Variants in PBX1 observed in about 807,000 individuals in gnomAD.
PBX1 encodes the protein pre-B-cell leukemia transcription factor 1.
Under a neutral mutation model 53.4 loss-of-function variants are expected in PBX1, and 6 were observed. That is an observed-to-expected ratio of 0.11 (90% confidence interval 0.06 to 0.22). PBX1 has a LOEUF of 0.22. Among genes scored for constraint, PBX1 ranks in the 10% least tolerant of loss-of-function variants. PBX1 has a pLI of 1.00. For missense variants in PBX1, 251 were observed against 551.4 expected, an observed-to-expected ratio of 0.46 and a Z score of 5.46; for synonymous variants, 204 against 212.3, an observed-to-expected ratio of 0.96 and a Z score of 0.34.
chr1:164,770,073 A>G (rs976389330), intron 2 of PBX1: 1 of 152,212 alleles, frequency 6.6e-6, no homozygotes, highest in Non-Finnish European at 1.5e-5. Context: ...CTGAAGCTTG[A>G]TGTGTGGGTC....
chr1:164,565,844 A>G lies in PBX1; in HGVS notation c.265+2533A>G, dbSNP rs145481157. Among the ~76,000 whole-genome samples, 862 of 148,856 alleles carry G rather than the reference A, an allele frequency of 5.8e-3. 11 individuals are homozygous for G. The highest frequency in any genetic ancestry group is 0.019 in the African/African-American group (784 of 40,274). On this transcript the variant is annotated intron_variant, in intron 2 of 8. Coordinates refer to ENST00000420696, the MANE Select transcript of PBX1 (RefSeq NM_002585.4). ...ACATACATTCCTTTATTGTTTGGGG[A>G]CTTTTTCTATTGTTACTTTCAAGCC...
intron 2 of PBX1, among the ~76,000 whole-genome samples, chr1:164,736,949 T>C (rs1439955591): frequency 1.3e-5 from 2 of 152,192 alleles, no homozygotes; most frequent in Non-Finnish European, 2.9e-5. Flanking sequence ...ATGCCTTTGA[T>C]TTTCAGCTCA....
At chr1:164,815,031 A>G (rs1669814116) in intron 6 of PBX1, 1 of 152,202 alleles carries the variant, frequency 6.6e-6, no homozygotes, top group Non-Finnish European at 1.5e-5. Context: ...GAAGAATAGA[A>G]GGAAGGAGAG....
chr1:164,559,987 C>G lies in PBX1; in HGVS notation c.165C>G (p.Asp55Glu). Residue 55 changes from aspartate (D) to glutamate (E), a missense_variant, in exon 1 of 9, where the codon GAC (aspartate) becomes GAG (glutamate). Coordinates refer to ENST00000420696, the MANE Select transcript of PBX1 (RefSeq NM_002585.4). ...TACAGCAAATTATGACCATCACAGA[C>G]CAGAGTTTGGATGAGGCGCAGGCCA... ...DILQQIMTIT[D>E]QSLDEAQARK... 1.3e-6 allele frequency: 2 copies of G among 1,486,132 alleles called. No individual in the cohort carries two copies. Among genetic ancestry groups the G allele is most frequent in the Non-Finnish European group, 1.8e-6 (2 of 1,111,328 alleles). The allele number at this position is 1,486,132 out of a possible 1,614,324, so 92.1% of individuals were successfully genotyped here.
At chr1:164,673,625 C>A (rs1156786794) in intron 2 of PBX1, among the ~76,000 whole-genome samples, 1 of 152,010 alleles carries the variant, frequency 6.6e-6, no homozygotes, top group African/African-American at 2.4e-5. Context: ...TGTGAGCCAC[C>A]GCGCCTGGCG....
chr1:164,700,975 C>G (rs182181362), intron 2 of PBX1, among the ~76,000 whole-genome samples: 32 of 152,298 alleles, frequency 2.1e-4, no homozygotes, highest in Middle Eastern at 3.4e-3. Context: ...ATTAGCAAGA[C>G]TAAACATAAT....
intron 2 of PBX1, among the ~76,000 whole-genome samples, chr1:164,589,561 A>G (rs1655214721): frequency 6.6e-6 from 1 of 152,154 alleles, no homozygotes; most frequent in African/African-American, 2.4e-5. Flanking sequence ...GTGCTAAATG[A>G]TCCCCTGGTG....
chr1:164,667,443 T>G (rs1163869051), intron 2 of PBX1, among the ~76,000 whole-genome samples: 1 of 151,978 alleles, frequency 6.6e-6, no homozygotes, highest in Non-Finnish European at 1.5e-5. Context: ...TATATATGTA[T>G]AGCTCTGTCT....
intron 2 of PBX1, among the ~76,000 whole-genome samples, chr1:164,885,152 T>C (rs1282421326): frequency 1.3e-5 from 2 of 152,178 alleles, no homozygotes; most frequent in African/African-American, 4.8e-5. Context: ...CAAGATCACA[T>C]AGCTACAAAA....
Position 164,757,112 on chromosome 1 carries a change from A to G in PBX1, c.266-35382A>G, listed in dbSNP as rs1049049718. On this transcript the variant is annotated intron_variant, in intron 2 of 8. Transcript: ENST00000420696. ...CCTCCCATTTTTTTTTTGCAAGAGG[A>G]GAGCAGAGGACATAGCAATGAACAA... Among the ~76,000 whole-genome samples the G allele has an allele frequency of 3.3e-5, 5 of 151,926 alleles. 1 individual carries two copies. The highest frequency in any genetic ancestry group is 2.0e-4 in the Admixed American group (3 of 15,258).
At chr1:164,815,905 T>C (rs1298254730) in intron 6 of PBX1, 2 of 152,172 alleles carry the variant, frequency 1.3e-5, no homozygotes, top group East Asian at 3.8e-4. Context: ...TTTTCAGGAT[T>C]GATGAAAGGT....
At chr1:164,610,871 T>C (rs16833167) in intron 2 of PBX1, among the ~76,000 whole-genome samples, 9,704 of 152,300 alleles carry the variant, frequency 0.064, 927 homozygotes, top group African/African-American at 0.21. Context: ...TCAAATTAAA[T>C]GTTTGACCAG....
At chr1:164,801,759 A>C (rs558423184) in intron 4 of PBX1, among the ~76,000 whole-genome samples, 1 of 152,362 alleles carries the variant, frequency 6.6e-6, no homozygotes, top group East Asian at 1.9e-4. Context: ...CAAGATTCAA[A>C]ACGAAAACAA....
intron 2 of PBX1, among the ~76,000 whole-genome samples, chr1:164,786,726 C>CGCGCGCGT: frequency 6.9e-6 from 1 of 144,792 alleles, no homozygotes; most frequent in East Asian, 2.1e-4. Context: ...TGTGTGCGCG[C>CGCGCGCGT]GCACACACAC....
intron 2 of PBX1, among the ~76,000 whole-genome samples, chr1:164,586,354 C>G (rs187525574): frequency 6.6e-6 from 1 of 152,108 alleles, no homozygotes; most frequent in Admixed American, 6.5e-5. Flanking sequence ...GGACTGGGCA[C>G]GTGATGAATG....
chr1:164,778,999 A>T (rs555458905), intron 2 of PBX1, among the ~76,000 whole-genome samples: 3 of 151,994 alleles, frequency 2.0e-5, no homozygotes, highest in African/African-American at 7.2e-5. Context: ...AAGGGTTAAT[A>T]ATACCCCATA....
At chr1:164,562,945 T>G (rs1653167730) in intron 1 of PBX1, 1 of 187,444 alleles carries the variant, frequency 5.3e-6, no homozygotes. Flanking sequence ...GTTTAAGAAT[T>G]ACTCTTTGAT....
At chr1:164,561,847 G>A (rs1246270531) in intron 1 of PBX1, among the ~76,000 whole-genome samples, 1 of 152,018 alleles carries the variant, frequency 6.6e-6, no homozygotes, top group Non-Finnish European at 1.5e-5. Flanking sequence ...AAAGCTGTGT[G>A]AGAATTTTTG....
At chr1:164,606,727 A>G (rs1250952191) in intron 2 of PBX1, among the ~76,000 whole-genome samples, 1 of 152,228 alleles carries the variant, frequency 6.6e-6, no homozygotes, top group Non-Finnish European at 1.5e-5. Context: ...TCCCTGCTGC[A>G]TGGTAGAGTC....
Sources: gnomAD v4.1 joint callset for allele counts (sites outside exome capture counted in the v4.1 genomes callset) on GRCh38, gnomAD v4.1.1 for gene constraint, MANE v1.5 for transcripts, NCBI Gene and HGNC (gene_info 2026-07-23, HGNC 2026-07-21) for gene names.